The following TEAD1 variants were observed in gnomAD, a reference collection of about 807,000 sequenced individuals.
TEAD1 encodes transcriptional enhancer factor TEF-1.
A neutral mutation model predicts 54.9 loss-of-function variants in TEAD1; 9 were observed. That is an observed-to-expected ratio of 0.16 (90% CI 0.10 to 0.29). TEAD1 has a LOEUF of 0.29. TEAD1 is among the 10% of genes least tolerant of loss of function. The probability of loss-of-function intolerance (pLI) is 1.00; values close to 1 mark genes in which losing one functional copy is unlikely to be tolerated. For synonymous variants in TEAD1, 200 were observed against 187.8 expected (o/e 1.07, Z -0.53); for missense variants, 387 against 535.9 (o/e 0.72, Z 2.74).
In TEAD1 at chr11:12,794,729, G is replaced by T. The variant is rs180698610; in HGVS notation, c.202+30295G>T. Reference sequence around the variant, plus strand: ...CAGAGCTGCTCCTGCAACCCGGCAGGAGCACCCGAGTGGGTGTGCATGCAC... The same window carrying T: ...CAGAGCTGCTCCTGCAACCCGGCAGTAGCACCCGAGTGGGTGTGCATGCAC... On this transcript the variant is annotated intron_variant, in intron 3 of 12. Transcript: ENST00000527636. Among the ~76,000 whole-genome samples, 1,136 of 152,294 alleles carry T rather than the reference G, an allele frequency of 7.5e-3. 15 individuals are homozygous for T. The highest frequency in any genetic ancestry group is 0.026 in the African/African-American group (1,078 of 41,564).
At chr11:12,810,574 C>G (rs11022509) in intron 3 of TEAD1, among the ~76,000 whole-genome samples, 9 of 152,088 alleles carry the variant, frequency 5.9e-5, no homozygotes, top group Admixed American at 5.9e-4. Flanking sequence ...TCTTCGGAGT[C>G]GTTTTAGACT....
intron 2 of TEAD1, among the ~76,000 whole-genome samples, chr11:12,690,763 TC>T (rs1048259767): frequency 3.9e-5 from 6 of 152,194 alleles, no homozygotes; most frequent in African/African-American, 1.4e-4. Flanking sequence ...ATACTCTAGT[TC>T]TGTTTTTGGA....
At chr11:12,710,977 C>T (rs369213329) in intron 2 of TEAD1, among the ~76,000 whole-genome samples, 44 of 152,230 alleles carry the variant, frequency 2.9e-4, no homozygotes, top group African/African-American at 9.9e-4. Context: ...GGGAGGCCCC[C>T]GCCATTTTGG....
intron 2 of TEAD1, among the ~76,000 whole-genome samples, chr11:12,742,342 G>A (rs1944664668): frequency 6.6e-6 from 1 of 152,120 alleles, no homozygotes; most frequent in South Asian, 2.1e-4. Flanking sequence ...TTGTGATGAG[G>A]ATGAAGTGAA....
At chr11:12,846,523 A>G (rs1947156327) in intron 3 of TEAD1, among the ~76,000 whole-genome samples, 1 of 152,078 alleles carries the variant, frequency 6.6e-6, no homozygotes, top group South Asian at 2.1e-4. Flanking sequence ...TTAGAAGTCA[A>G]ACTTCTGTGT....
chr11:12,930,917 A>G (rs961911254), intron 12 of TEAD1, among the ~76,000 whole-genome samples: 6 of 152,238 alleles, frequency 3.9e-5, no homozygotes, highest in Non-Finnish European at 8.8e-5. Flanking sequence ...ATAAATTAGA[A>G]TAGAATGCAT....
At chr11:12,783,939 G>A (rs745702653) in intron 3 of TEAD1, among the ~76,000 whole-genome samples, 1 of 152,124 alleles carries the variant, frequency 6.6e-6, no homozygotes, top group Non-Finnish European at 1.5e-5. Context: ...TACACAGGAA[G>A]GGGGGATGGG....
intron 2 of TEAD1, among the ~76,000 whole-genome samples, chr11:12,706,549 A>T (rs891314693): frequency 6.6e-6 from 1 of 152,252 alleles, no homozygotes; most frequent in Admixed American, 6.5e-5. Context: ...GTGGTTATAT[A>T]TAAGGTTTCC....
intron 11 of TEAD1, among the ~76,000 whole-genome samples, chr11:12,928,223 T>C (rs946249844): frequency 1.3e-5 from 2 of 152,154 alleles, no homozygotes; most frequent in Admixed American, 6.5e-5. Flanking sequence ...TGCTGATATT[T>C]TACACAGAAT....
At chr11:12,682,643 C>A (rs1943246448) in intron 2 of TEAD1, among the ~76,000 whole-genome samples, 1 of 152,072 alleles carries the variant, frequency 6.6e-6, no homozygotes, top group East Asian at 1.9e-4. Flanking sequence ...CTTTGAAATC[C>A]AGATGCTCCT....
chr11:12,749,918 T>C (rs1944831640), intron 2 of TEAD1, among the ~76,000 whole-genome samples: 1 of 152,182 alleles, frequency 6.6e-6, no homozygotes, highest in Admixed American at 6.5e-5. Context: ...ATTTTGAGGA[T>C]TGGGATGGGG....
intron 2 of TEAD1, among the ~76,000 whole-genome samples, chr11:12,700,292 A>G (rs1943670618): frequency 6.6e-6 from 1 of 152,028 alleles, no homozygotes; most frequent in Admixed American, 6.6e-5. Flanking sequence ...ACAACTTTGG[A>G]CTTTTTCTTC....
intron 3 of TEAD1, among the ~76,000 whole-genome samples, chr11:12,851,624 T>C (rs1947276844): frequency 6.6e-6 from 1 of 151,912 alleles, no homozygotes; most frequent in Non-Finnish European, 1.5e-5. Context: ...TGAAACCCCC[T>C]TGTGTCTCTA....
chr11:12,704,069 A>C (rs1480446767), intron 2 of TEAD1, among the ~76,000 whole-genome samples: 1 of 152,354 alleles, frequency 6.6e-6, no homozygotes, highest in Non-Finnish European at 1.5e-5. Flanking sequence ...AGTCAGAGAT[A>C]CATATATTTA....
intron 2 of TEAD1, among the ~76,000 whole-genome samples, chr11:12,699,306 G>T (rs1267246306): frequency 1.3e-5 from 2 of 151,836 alleles, no homozygotes; most frequent in African/African-American, 2.4e-5. Flanking sequence ...TTCTTTTAAA[G>T]ATTTTTTTTT....
intron 2 of TEAD1, among the ~76,000 whole-genome samples, chr11:12,686,830 G>A (rs924312652): frequency 3.9e-5 from 6 of 152,184 alleles, no homozygotes; most frequent in African/African-American, 1.4e-4. Context: ...TCAGTTCCTG[G>A]TGGTTCTTTT....
chr11:12,871,688 C>T (rs1308415309), intron 5 of TEAD1, among the ~76,000 whole-genome samples: 10 of 152,184 alleles, frequency 6.6e-5, no homozygotes, highest in Admixed American at 4.6e-4. Context: ...AGCACCACCA[C>T]ACTGTGGGCC....
At chr11:12,849,904 C>T (rs1019136992) in intron 3 of TEAD1, among the ~76,000 whole-genome samples, 3 of 152,132 alleles carry the variant, frequency 2.0e-5, no homozygotes, top group African/African-American at 4.8e-5. Flanking sequence ...ACAATAAGTG[C>T]TCTGTTTACT....
chr11:12,937,063 T>C (rs764356964), intron 12 of TEAD1, 46 bp from the exon 13 acceptor site: 3 of 1,308,636 alleles, frequency 2.3e-6, no homozygotes, highest in East Asian at 4.7e-5. Flanking sequence ...AGATGGAATA[T>C]GTTTTCATCC....
Sources: allele counts gnomAD v4.1 joint callset (sites outside exome capture counted in the v4.1 genomes callset), GRCh38; gene constraint gnomAD v4.1.1; transcripts MANE v1.5; gene names NCBI Gene and HGNC (gene_info 2026-07-23, HGNC 2026-07-21).